Variants in PACRG observed in about 807,000 individuals in gnomAD.
The protein encoded by PACRG is parkin coregulated gene protein.
In PACRG, 29 loss-of-function variants were observed where a neutral mutation model predicts 29.7. The observed-to-expected ratio is 0.98, with a 90% CI of 0.73 to 1.33. The LOEUF is 1.33. Among genes scored for constraint, PACRG ranks in the 40% most tolerant of loss-of-function variants. PACRG has a pLI of 0.00. For missense variants in PACRG, 279 were observed against 316.2 expected (o/e 0.88, Z 0.89); for synonymous variants, 116 against 118.7 (o/e 0.98, Z 0.15).
intron 2 of PACRG, among the ~76,000 whole-genome samples, chr6:162,923,434 C>A (rs1169612466): frequency 1.3e-5 from 2 of 152,076 alleles, no homozygotes; most frequent in South Asian, 4.1e-4. Context: ...CTTTGCTATG[C>A]CAATTTCTTA....
At chr6:162,745,468 T>C (rs1337999889) in intron 1 of PACRG, among the ~76,000 whole-genome samples, 1 of 152,070 alleles carries the variant, frequency 6.6e-6, no homozygotes, top group Non-Finnish European at 1.5e-5. Context: ...GATTGATAGG[T>C]GCAGCAAATC....
At chr6:163,104,340 A>G (rs2128315605) in intron 4 of PACRG, among the ~76,000 whole-genome samples, 1 of 152,284 alleles carries the variant, frequency 6.6e-6, no homozygotes, top group South Asian at 2.1e-4. Context: ...TTTTAATCCC[A>G]GCCAAATTCC....
At chr6:163,128,489 T>C in intron 4 of PACRG, among the ~76,000 whole-genome samples, 1 of 152,242 alleles carries the variant, frequency 6.6e-6, no homozygotes, top group East Asian at 1.9e-4. Context: ...CCTTTGTCAT[T>C]TCTCTTGTCT....
chr6:162,729,013 T>G (rs917656165), intron 1 of PACRG, among the ~76,000 whole-genome samples: 1 of 152,174 alleles, frequency 6.6e-6, no homozygotes, highest in African/African-American at 2.4e-5. Context: ...AGCTCATATA[T>G]CTCTGCTACT....
At chr6:163,056,708 G>C (rs529731085) in intron 2 of PACRG, among the ~76,000 whole-genome samples, 24 of 152,150 alleles carry the variant, frequency 1.6e-4, no homozygotes, top group Non-Finnish European at 3.1e-4. Context: ...ATACGAGGAG[G>C]AATAGATAAA....
intron 4 of PACRG, among the ~76,000 whole-genome samples, chr6:163,173,452 G>A (rs1779187423): frequency 6.6e-6 from 1 of 152,180 alleles, no homozygotes; most frequent in South Asian, 2.1e-4. Flanking sequence ...AGGATTTGCA[G>A]CCAGGGTTAT....
At chr6:163,101,878 A>G (rs75245740) in intron 4 of PACRG, among the ~76,000 whole-genome samples, 12,386 of 152,236 alleles carry the variant, frequency 0.081, 583 homozygotes, top group Non-Finnish European at 0.097. Flanking sequence ...GGGGAATGCC[A>G]AAGAGAGAAC....
intron 1 of PACRG, among the ~76,000 whole-genome samples, chr6:162,748,381 T>A (rs187886256): frequency 1.3e-5 from 2 of 152,218 alleles, no homozygotes; most frequent in East Asian, 3.9e-4. Flanking sequence ...TTATCCCAGC[T>A]ACTCGGGAGG....
At chr6:163,003,280 T>C (rs1183199523) in intron 2 of PACRG, among the ~76,000 whole-genome samples, 2 of 152,256 alleles carry the variant, frequency 1.3e-5, no homozygotes, top group South Asian at 2.1e-4. Context: ...AATCATCTCT[T>C]GCTGATTAAT....
intron 4 of PACRG, among the ~76,000 whole-genome samples, chr6:163,173,200 T>C (rs957239800): frequency 6.6e-6 from 1 of 152,210 alleles, no homozygotes; most frequent in Non-Finnish European, 1.5e-5. Flanking sequence ...TCCCTCTCTG[T>C]TTGCCATCTC....
intron 4 of PACRG, among the ~76,000 whole-genome samples, chr6:163,269,762 G>GAGAGAGAGACAGAC (rs796202675): frequency 0.012 from 631 of 51,270 alleles, 64 homozygotes; most frequent in South Asian, 0.03. Context: ...GAGAGAGAGA[G>GAGAGAGAGACAGAC]AGACAGACAG....
At position 162,728,361 on chromosome 6, in the gene PACRG, C is replaced by T. The variant is rs749894094; in HGVS notation, c.126C>T (p.Phe42=). The change falls in exon 1 of 5, where the codon TTC becomes TTT. Residue 42 remains phenylalanine, a synonymous_variant. Transcript: ENST00000366888. ...CTCACTCTCTGGTTTCTGAGGGTTTCACAGTCAAAGCCATGATGAAAAACT... is the reference window on the plus strand; with the variant it reads ...CTCACTCTCTGGTTTCTGAGGGTTTTACAGTCAAAGCCATGATGAAAAACT... ...HQPHSLVSEG[F]TVKAMMKNSV... is the part of the protein sequence containing the mutation. 2 of 1,613,590 alleles carry T rather than the reference C, an allele frequency of 1.2e-6. No individual in the cohort carries two copies. The highest frequency in any genetic ancestry group is 3.3e-5 in the Admixed American group (2 of 60,022).
At chr6:163,180,253 C>A (rs1779591801) in intron 4 of PACRG, among the ~76,000 whole-genome samples, 1 of 152,178 alleles carries the variant, frequency 6.6e-6, no homozygotes, top group Non-Finnish European at 1.5e-5. Context: ...AGGAGTGAGT[C>A]CCTCACCGAG....
intron 2 of PACRG, among the ~76,000 whole-genome samples, chr6:162,952,901 C>T (rs939766798): frequency 6.6e-6 from 1 of 152,104 alleles, no homozygotes; most frequent in Admixed American, 6.6e-5. Context: ...GGTTTTATAT[C>T]TACTGATAAA....
intron 4 of PACRG, among the ~76,000 whole-genome samples, chr6:163,251,446 G>A (rs1782902517): frequency 6.6e-6 from 1 of 152,208 alleles, no homozygotes; most frequent in Non-Finnish European, 1.5e-5. Context: ...ATGTATTTTA[G>A]TGGATCTTAA....
At chr6:163,241,107 G>A (rs1447119091) in intron 4 of PACRG, among the ~76,000 whole-genome samples, 3 of 151,720 alleles carry the variant, frequency 2.0e-5, no homozygotes, top group East Asian at 1.9e-4. Context: ...GATATTTTTC[G>A]GCATGTTTCC....
At chr6:163,253,750 C>T (rs528582226) in intron 4 of PACRG, among the ~76,000 whole-genome samples, 7 of 152,352 alleles carry the variant, frequency 4.6e-5, no homozygotes, top group Non-Finnish European at 5.9e-5. Context: ...AAACTATCTT[C>T]CCTCACCAGG....
intron 2 of PACRG, among the ~76,000 whole-genome samples, chr6:162,950,277 C>T (rs548409076): frequency 2.6e-5 from 4 of 152,110 alleles, no homozygotes; most frequent in Admixed American, 2.6e-4. Context: ...ACGGGTGGAT[C>T]GTGAGGTCAG....
chr6:162,826,277 TA>T (rs1453034398), intron 2 of PACRG, among the ~76,000 whole-genome samples: 1 of 152,094 alleles, frequency 6.6e-6, no homozygotes, highest in Non-Finnish European at 1.5e-5. Flanking sequence ...CTGTTGAACA[TA>T]GCAAAACTTG....
Sources: allele counts gnomAD v4.1 joint callset (sites outside exome capture counted in the v4.1 genomes callset), GRCh38; gene constraint gnomAD v4.1.1; transcripts MANE v1.5; gene names NCBI Gene and HGNC (gene_info 2026-07-23, HGNC 2026-07-21).